The following GPHN variants were observed in gnomAD, a reference collection of about 807,000 sequenced individuals.
GPHN encodes gephyrin.
Under a neutral mutation model 95.5 loss-of-function variants are expected in GPHN, and 17 were observed. That is an observed-to-expected ratio of 0.18 (90% confidence interval 0.12 to 0.27). The LOEUF is 0.27. Ranked by LOEUF, GPHN falls within the 10% of genes least tolerant of loss-of-function variation. GPHN has a pLI of 1.00. For synonymous variants in GPHN, 320 were observed against 322.5 expected (o/e 0.99, Z 0.08); for missense variants, 660 against 978.1 (o/e 0.67, Z 4.34).
At chr14:66,702,460 G>C (rs2068645664) in intron 2 of GPHN, among the ~76,000 whole-genome samples, 1 of 152,158 alleles carries the variant, frequency 6.6e-6, no homozygotes, top group African/African-American at 2.4e-5. Context: ...CATCTTTGCT[G>C]TTCTCCAGCC....
At chr14:67,732,515 T>C in the GPHN span, among the ~76,000 whole-genome samples, 73,441 of 141,770 alleles carry the variant, frequency 0.52, 20,459 homozygotes, top group Non-Finnish European at 0.63. Flanking sequence ...AGACTATATC[T>C]CTATTTATAT....
At chr14:66,588,868 A>G (rs370012676) in intron 1 of GPHN, among the ~76,000 whole-genome samples, 2 of 152,186 alleles carry the variant, frequency 1.3e-5, no homozygotes, top group African/African-American at 4.8e-5. Flanking sequence ...ATTCAAATTC[A>G]GGGAATACAG....
Position 66,876,312 on chromosome 14 carries a change from C to T in GPHN, c.295-3627C>T, listed in dbSNP as rs142451516. On this transcript the variant is annotated intron_variant, in intron 4 of 22. Transcript: ENST00000478722. ...GGGGAAAATGGGAAAGATCTAAAAT[C>T]AACACCCTAATATCACAATTAAAAG... is the stretch of plus-strand genomic sequence containing the variant. Among the ~76,000 whole-genome samples the T allele has an allele frequency of 4.0e-4, 61 of 151,992 alleles. 3 individuals carry two copies. In the East Asian group the frequency reaches 9.9e-3, roughly 25 times the overall value.
At chr14:67,211,701 G>A in the GPHN span, among the ~76,000 whole-genome samples, 1 of 152,122 alleles carries the variant, frequency 6.6e-6, no homozygotes, top group Non-Finnish European at 1.5e-5. Context: ...AGCTACAGTG[G>A]GAGTACCATC....
chr14:67,456,602 CA>C, the GPHN span, among the ~76,000 whole-genome samples: 3,484 of 83,884 alleles, frequency 0.042, 78 homozygotes, highest in African/African-American at 0.089. Flanking sequence ...AACTCCATCT[CA>C]AAAAAAAAAA....
At chr14:66,512,190 A>G (rs754727747) in intron 1 of GPHN, among the ~76,000 whole-genome samples, 1 of 151,870 alleles carries the variant, frequency 6.6e-6, no homozygotes, top group African/African-American at 2.4e-5. Context: ...TTTAGTAGTG[A>G]TTATACTTGA....
At chr14:67,658,436 T>C in the GPHN span, among the ~76,000 whole-genome samples, 1 of 151,440 alleles carries the variant, frequency 6.6e-6, no homozygotes, top group South Asian at 2.1e-4. Flanking sequence ...CTACTAAAAG[T>C]ACAAAAAAAA....
intron 3 of GPHN, among the ~76,000 whole-genome samples, chr14:66,814,517 A>G (rs2060889163): frequency 6.6e-6 from 1 of 152,220 alleles, no homozygotes; most frequent in Non-Finnish European, 1.5e-5. Context: ...GAGTTAGAGC[A>G]CACAGTCCAG....
intron 20 of GPHN, 65 bp downstream of exon 20, chr14:67,165,291 C>T: frequency 2.0e-6 from 2 of 980,526 alleles, no homozygotes; most frequent in South Asian, 1.3e-5. Context: ...TTGGACTTCT[C>T]ATGTGACCAC....
At chr14:66,673,559 G>A (rs1420191543) in intron 1 of GPHN, among the ~76,000 whole-genome samples, 2 of 152,198 alleles carry the variant, frequency 1.3e-5, no homozygotes, top group African/African-American at 2.4e-5. Flanking sequence ...GCATGCAGAA[G>A]AATACATGTG....
chr14:66,689,771 T>C (rs1595562911), intron 2 of GPHN, among the ~76,000 whole-genome samples: 1 of 152,276 alleles, frequency 6.6e-6, no homozygotes, highest in African/African-American at 2.4e-5. Context: ...TGGTAGGTTG[T>C]TTGTGTCCAG....
chr14:67,679,148 G>C, the GPHN span, among the ~76,000 whole-genome samples: 29 of 152,250 alleles, frequency 1.9e-4, no homozygotes, highest in Admixed American at 2.6e-4. Context: ...GGCATGACAT[G>C]GGCAAGAGAG....
chr14:66,721,538 A>C (rs575136394), intron 2 of GPHN, among the ~76,000 whole-genome samples: 8 of 152,326 alleles, frequency 5.3e-5, no homozygotes, highest in African/African-American at 1.7e-4. Context: ...TAATTTAACA[A>C]ATCAAACTAA....
At chr14:67,533,021 C>G in the GPHN span, among the ~76,000 whole-genome samples, 1 of 152,060 alleles carries the variant, frequency 6.6e-6, no homozygotes, top group Non-Finnish European at 1.5e-5. Flanking sequence ...GCCCCAGGGA[C>G]GAGCCCAGCG....
chr14:66,817,571 A>T (rs2061026589), intron 3 of GPHN, among the ~76,000 whole-genome samples: 1 of 152,192 alleles, frequency 6.6e-6, no homozygotes, highest in Non-Finnish European at 1.5e-5. Context: ...ATTTTTCACA[A>T]GTCTGGGCTT....
At chr14:66,776,616 A>C (rs143602096) in intron 3 of GPHN, 95 bp downstream of exon 3, 1 of 790,002 alleles carries the variant, frequency 1.3e-6, no homozygotes, top group East Asian at 2.4e-5. Context: ...ATATTTGGCT[A>C]TGTTAGAATA....
At chr14:67,250,169 T>A in the GPHN span, among the ~76,000 whole-genome samples, 11 of 152,184 alleles carry the variant, frequency 7.2e-5, no homozygotes, top group Admixed American at 7.2e-4. Context: ...GTGTTCATAA[T>A]TTCATTTAAA....
At chr14:67,286,511 T>C in the GPHN span, among the ~76,000 whole-genome samples, 1 of 152,186 alleles carries the variant, frequency 6.6e-6, no homozygotes, top group Admixed American at 6.5e-5. Flanking sequence ...TTTGTTTAAG[T>C]AACAGATATA....
chr14:66,508,667 C>T (rs975854395), intron 1 of GPHN, 76 bp downstream of exon 1: 30 of 1,292,652 alleles, frequency 2.3e-5, no homozygotes, highest in Non-Finnish European at 3.3e-5. Context: ...CTGTGGTGGC[C>T]CTTCTCTGCG....
Sources: gnomAD v4.1 joint callset for allele counts (sites outside exome capture counted in the v4.1 genomes callset) on GRCh38, gnomAD v4.1.1 for gene constraint, MANE v1.5 for transcripts, NCBI Gene and HGNC (gene_info 2026-07-23, HGNC 2026-07-21) for gene names.